The following SDK1 variants were observed in gnomAD, a reference collection of about 807,000 sequenced individuals.
SDK1 encodes the protein sidekick cell adhesion molecule 1, also known as protein sidekick-1.
A neutral mutation model predicts 245.5 loss-of-function variants in SDK1; 157 were observed. That is an observed-to-expected ratio of 0.64 (90% CI 0.56 to 0.73). SDK1 has a LOEUF of 0.73. SDK1 is among the 30% of genes least tolerant of loss of function. The probability of loss-of-function intolerance (pLI) is 0.00; values close to 1 mark genes in which losing one functional copy is unlikely to be tolerated. For synonymous variants in SDK1, 1,647 were observed against 1,278.5 expected (o/e 1.29, Z -6.15); for missense variants, 3,583 against 3,002.3 (o/e 1.19, Z -4.52).
chr7:3,301,892 C>A lies in SDK1; in HGVS notation c.298+8C>A, dbSNP rs1365311944. 8.8e-7 allele frequency: 1 copy of A among 1,133,636 alleles called. No individual in the cohort carries two copies. The highest frequency in any genetic ancestry group is 1.1e-6 in the Non-Finnish European group (1 of 925,200). The allele number at this position is 1,133,636 out of a possible 1,614,324, so 70.2% of individuals were successfully genotyped here. On this transcript the variant is annotated splice_region_variant and intron_variant, in intron 1 of 44. Coordinates refer to ENST00000404826, the MANE Select transcript of SDK1 (RefSeq NM_152744.4). Reference sequence around the variant, plus strand: ...TCCGGGCGCTGGCGCAAGGTAGGTGCGCGCGGGGTCGCGGGCCGGGGGCGT... The same window carrying A: ...TCCGGGCGCTGGCGCAAGGTAGGTGAGCGCGGGGTCGCGGGCCGGGGGCGT...
chr7:3,309,127 C>T (rs759821050), intron 1 of SDK1, among the ~76,000 whole-genome samples: 5 of 152,084 alleles, frequency 3.3e-5, no homozygotes, highest in Non-Finnish European at 7.4e-5. Flanking sequence ...ATTTGTGAGT[C>T]CCTCTCTCTG....
chr7:3,403,965 A>G (rs1778982620), intron 1 of SDK1, among the ~76,000 whole-genome samples: 1 of 149,542 alleles, frequency 6.7e-6, no homozygotes, highest in South Asian at 2.1e-4. Context: ...CCATTGCAAT[A>G]AAGTGAATCA....
At position 3,553,201 on chromosome 7, in the gene SDK1, G is replaced by C. The variant is rs549373178; in HGVS notation, c.299-65879G>C. ...CTGAGTGTCTATTTCATAGCAGGCA[G>C]TGATCTAAGAGCTTTAAATGCATTA... On this transcript the variant is annotated intron_variant, in intron 1 of 44. Coordinates refer to ENST00000404826, the MANE Select transcript of SDK1 (RefSeq NM_152744.4). 5.6e-4 allele frequency among the ~76,000 whole-genome samples: 85 copies of C among 152,190 alleles called. 1 individual carries two copies. Among genetic ancestry groups the C allele is most frequent in the African/African-American group, 1.9e-3 (78 of 41,518 alleles).
intron 5 of SDK1, among the ~76,000 whole-genome samples, chr7:3,925,687 A>T (rs1583573314): frequency 6.6e-6 from 1 of 152,212 alleles, no homozygotes; most frequent in East Asian, 1.9e-4. Context: ...AGCTGAAGAA[A>T]TGCTAAAGAG....
chr7:3,715,118 C>T (rs752630978), intron 4 of SDK1, among the ~76,000 whole-genome samples: 14 of 152,098 alleles, frequency 9.2e-5, no homozygotes, highest in Admixed American at 2.6e-4. Context: ...TTATTGTTCA[C>T]TATATTCCAA....
intron 7 of SDK1, 131 bp downstream of exon 7, chr7:3,952,051 T>A (rs1338763745): frequency 1.2e-6 from 1 of 815,524 alleles, no homozygotes; most frequent in Admixed American, 3.0e-5. Flanking sequence ...GAGGTTGAGT[T>A]TACCTTCGAA....
At chr7:3,368,459 G>T (rs1270793476) in intron 1 of SDK1, among the ~76,000 whole-genome samples, 1 of 152,142 alleles carries the variant, frequency 6.6e-6, no homozygotes, top group East Asian at 1.9e-4. Context: ...CAATTTTCAT[G>T]GTTTTGAAGC....
intron 1 of SDK1, among the ~76,000 whole-genome samples, chr7:3,582,225 T>C (rs915345369): frequency 2.1e-5 from 3 of 144,664 alleles, no homozygotes; most frequent in South Asian, 2.2e-4. Context: ...CTCAGGTAGG[T>C]CTGTCTCAGG....
Position 4,095,133 on chromosome 7 carries a change from C to T in SDK1, c.3325-15530C>T, listed in dbSNP as rs536066129. On this transcript the variant is annotated intron_variant, in intron 22 of 44. Transcript: ENST00000404826. Reference sequence around the variant, plus strand: ...CATATCTGAGGTCTTCCTCACCTCCCCCACATCTGAGCTCTTCCTCAGCTC... The same window carrying T: ...CATATCTGAGGTCTTCCTCACCTCCTCCACATCTGAGCTCTTCCTCAGCTC... Among the ~76,000 whole-genome samples, 96 of 151,122 alleles carry T rather than the reference C, an allele frequency of 6.4e-4. 1 individual carries two copies. The highest frequency in any genetic ancestry group is 8.9e-4 in the Non-Finnish European group (60 of 67,492).
At chr7:4,076,608 G>A (rs1780697660) in intron 20 of SDK1, among the ~76,000 whole-genome samples, 1 of 152,162 alleles carries the variant, frequency 6.6e-6, no homozygotes. Flanking sequence ...TGGAATTATT[G>A]GTGAAATGCA....
intron 17 of SDK1, among the ~76,000 whole-genome samples, chr7:4,023,940 C>T (rs181032274): frequency 3.3e-5 from 5 of 152,310 alleles, no homozygotes; most frequent in African/African-American, 4.8e-5. Context: ...GATTAGCAAA[C>T]TCCTTCTATA....
chr7:4,219,833 C>A (rs1054615388), intron 38 of SDK1, among the ~76,000 whole-genome samples: 3 of 150,530 alleles, frequency 2.0e-5, no homozygotes, highest in African/African-American at 7.4e-5. Context: ...CCTCCCCGCT[C>A]CTCCTTCATA....
chr7:3,592,070 C>G lies in SDK1; in HGVS notation c.299-27010C>G, dbSNP rs141836805. Among the ~76,000 whole-genome samples the G allele has an allele frequency of 2.0e-5, 3 of 152,188 alleles. No homozygotes were observed. The East Asian group carries it at 5.8e-4, about 29-fold the overall frequency. ...TGAAACTGGGAAGCCCTTTGTATCA[C>G]TATCAGCTCTATTTTTGGAAGTAAT... On this transcript the variant is annotated intron_variant, in intron 1 of 44. Coordinates refer to ENST00000404826, the MANE Select transcript of SDK1 (RefSeq NM_152744.4).
At chr7:3,552,124 C>T (rs1779437873) in intron 1 of SDK1, among the ~76,000 whole-genome samples, 1 of 152,054 alleles carries the variant, frequency 6.6e-6, no homozygotes, top group Non-Finnish European at 1.5e-5. Context: ...CTGCAAGCTC[C>T]ACCTCCCGGG....
chr7:4,220,303 T>C (rs1785071211), intron 39 of SDK1, 33 bp downstream of exon 39: 1 of 1,599,816 alleles, frequency 6.3e-7, no homozygotes, highest in Non-Finnish European at 8.5e-7. Flanking sequence ...ACAATGTCAA[T>C]TGCAACTTTA....
chr7:3,713,812 A>G (rs1245826300), intron 4 of SDK1, among the ~76,000 whole-genome samples: 4 of 152,266 alleles, frequency 2.6e-5, no homozygotes, highest in African/African-American at 4.8e-5. Flanking sequence ...TTAAGGTATT[A>G]TAGTCACAGC....
chr7:4,109,033 G>A (rs1562822421), intron 22 of SDK1, among the ~76,000 whole-genome samples: 1 of 152,224 alleles, frequency 6.6e-6, no homozygotes, highest in Non-Finnish European at 1.5e-5. Context: ...GCTGAATCCT[G>A]TTCCATGGTG....
intron 14 of SDK1, among the ~76,000 whole-genome samples, chr7:3,993,135 A>G (rs1375978121): frequency 6.6e-6 from 1 of 152,174 alleles, no homozygotes; most frequent in Non-Finnish European, 1.5e-5. Flanking sequence ...CTTTCACATG[A>G]GTGAGTCGGC....
chr7:4,241,687 C>A, intron 42 of SDK1, 106 bp from the exon 43 acceptor site: 1 of 1,399,032 alleles, frequency 7.1e-7, no homozygotes, highest in Non-Finnish European at 9.9e-7. Flanking sequence ...CTGGGCTCTG[C>A]GTGCAGCAGG....
Sources: gnomAD v4.1 joint callset for allele counts (sites outside exome capture counted in the v4.1 genomes callset) on GRCh38, gnomAD v4.1.1 for gene constraint, MANE v1.5 for transcripts, NCBI Gene and HGNC (gene_info 2026-07-23, HGNC 2026-07-21) for gene names.